RIC8B: variants seen among roughly 807,000 people sequenced by gnomAD.
RIC8B encodes RIC8 guanine nucleotide exchange factor B.
Under a neutral mutation model 57.5 loss-of-function variants are expected in RIC8B, and 16 were observed. The observed-to-expected ratio is 0.28, with a 90% CI of 0.19 to 0.42. The LOEUF is 0.42. RIC8B is among the 10% of genes least tolerant of loss of function. The pLI is 1.00. For synonymous variants in RIC8B, 216 were observed against 250.8 expected, an observed-to-expected ratio of 0.86 and a Z score of 1.31; for missense variants, 481 against 677.0, an observed-to-expected ratio of 0.71 and a Z score of 3.21.
At position 106,786,595 on chromosome 12, in the gene RIC8B, T is replaced by C. The variant is rs559933836; in HGVS notation, c.132+2551T>C. ...TTTTACTCTTTCACCAAGAAGTGTC[T>C]CTTTTAGAAATCTATTCTGCAGATA... On this transcript the variant is annotated intron_variant, in intron 2 of 9. Transcript: ENST00000392837. Among the ~76,000 whole-genome samples the C allele has an allele frequency of 1.6e-4, 24 of 152,358 alleles. 1 individual carries two copies. Among genetic ancestry groups the C allele is most frequent in the African/African-American group, 5.5e-4 (23 of 41,586 alleles).
chr12:106,784,775 A>G (rs2043928575), intron 2 of RIC8B, among the ~76,000 whole-genome samples: 1 of 152,242 alleles, frequency 6.6e-6, no homozygotes, highest in Admixed American at 6.5e-5. Context: ...TGCTAGAAAA[A>G]TAGCTTAAAT....
At chr12:106,820,862 G>T (rs2045807922) in intron 3 of RIC8B, among the ~76,000 whole-genome samples, 2 of 152,172 alleles carry the variant, frequency 1.3e-5, no homozygotes, top group Admixed American at 6.5e-5. Flanking sequence ...AGAATTTCCT[G>T]AGTTTTTTTC....
intron 1 of RIC8B, among the ~76,000 whole-genome samples, chr12:106,781,475 T>C (rs548054085): frequency 1.3e-5 from 2 of 152,344 alleles, no homozygotes; most frequent in East Asian, 3.9e-4. Context: ...CCCAGGTTTA[T>C]AGAAGCCAAC....
chr12:106,818,828 G>A (rs570650264), intron 3 of RIC8B, among the ~76,000 whole-genome samples: 26 of 152,068 alleles, frequency 1.7e-4, no homozygotes, highest in South Asian at 6.2e-4. Flanking sequence ...GTGCAATGGC[G>A]CAATCTTGGC....
At chr12:106,815,444 G>T (rs991475061) in intron 3 of RIC8B, 140 bp downstream of exon 3, 4 of 809,978 alleles carry the variant, frequency 4.9e-6, no homozygotes, top group Non-Finnish European at 7.7e-6. Flanking sequence ...TATTACCCAG[G>T]ATATACTTCT....
At chr12:106,849,142 A>C (rs1457945746) in intron 6 of RIC8B, among the ~76,000 whole-genome samples, 2 of 152,160 alleles carry the variant, frequency 1.3e-5, no homozygotes, top group African/African-American at 4.8e-5. Flanking sequence ...TGTTTGTAAC[A>C]GAAAGCATAA....
intron 8 of RIC8B, among the ~76,000 whole-genome samples, chr12:106,866,648 A>G (rs1361963982): frequency 6.6e-6 from 1 of 151,990 alleles, no homozygotes; most frequent in East Asian, 1.9e-4. Context: ...TCCATGTCCT[A>G]TTGGTTATTT....
At chr12:106,874,610 T>C (rs1950585995) in intron 9 of RIC8B, 1 of 1,399,264 alleles carries the variant, frequency 7.1e-7, no homozygotes, top group Non-Finnish European at 9.9e-7. Flanking sequence ...GTGTAGGGTA[T>C]AGATGTTATT....
At chr12:106,828,689 C>T (rs941850388) in intron 4 of RIC8B, among the ~76,000 whole-genome samples, 5 of 152,138 alleles carry the variant, frequency 3.3e-5, no homozygotes, top group African/African-American at 1.2e-4. Context: ...CACTTGCTGC[C>T]GCTGCTGCCA....
chr12:106,813,128 T>A (rs1159234330), intron 2 of RIC8B, among the ~76,000 whole-genome samples: 3 of 151,828 alleles, frequency 2.0e-5, no homozygotes, highest in Non-Finnish European at 4.4e-5. Context: ...TTATAAATAA[T>A]CTAGTGATGT....
chr12:106,830,799 A>G (rs1162458693), intron 4 of RIC8B, among the ~76,000 whole-genome samples: 2 of 151,922 alleles, frequency 1.3e-5, no homozygotes, highest in African/African-American at 4.8e-5. Flanking sequence ...CATCTGCTTT[A>G]TTTTTTTTAT....
intron 2 of RIC8B, among the ~76,000 whole-genome samples, chr12:106,789,771 C>A (rs2044188938): frequency 6.6e-6 from 1 of 152,110 alleles, no homozygotes; most frequent in African/African-American, 2.4e-5. Context: ...CGTTCTCTTT[C>A]CTAAATGTGT....
intron 4 of RIC8B, among the ~76,000 whole-genome samples, chr12:106,837,732 C>G (rs2046681606): frequency 6.6e-6 from 1 of 150,480 alleles, no homozygotes; most frequent in South Asian, 2.1e-4. Context: ...TCCTCTGCCT[C>G]CTGGGTGCAA....
At chr12:106,826,996 C>A (rs1475987773) in intron 4 of RIC8B, among the ~76,000 whole-genome samples, 1 of 152,100 alleles carries the variant, frequency 6.6e-6, no homozygotes, top group Non-Finnish European at 1.5e-5. Context: ...ATCTCTTGAA[C>A]CTCAGGAGGT....
chr12:106,864,594 C>T (rs576914575), intron 8 of RIC8B, among the ~76,000 whole-genome samples: 2 of 152,148 alleles, frequency 1.3e-5, no homozygotes, highest in East Asian at 1.9e-4. Flanking sequence ...CTAGAGCTTG[C>T]GGTTTTTGGG....
In RIC8B at chr12:106,818,459, C is replaced by T. The variant is rs191364465; in HGVS notation, c.741+3155C>T. Among the ~76,000 whole-genome samples, 276 of 152,052 alleles carry T rather than the reference C, an allele frequency of 1.8e-3. 1 individual carries two copies. Among genetic ancestry groups the T allele is most frequent in the African/African-American group, 6.3e-3 (262 of 41,460 alleles). ...GATTACAGGCATGAGCCACCGCGCCCGGCCTCTCTTTTTTAACTAAAGAAC... is the reference window on the plus strand; with the variant it reads ...GATTACAGGCATGAGCCACCGCGCCTGGCCTCTCTTTTTTAACTAAAGAAC... On this transcript the variant is annotated intron_variant, in intron 3 of 9. Coordinates refer to ENST00000392837, the MANE Select transcript of RIC8B (RefSeq NM_001330145.2).
intron 2 of RIC8B, among the ~76,000 whole-genome samples, chr12:106,811,693 G>A (rs1566069277): frequency 6.6e-6 from 1 of 152,146 alleles, no homozygotes; most frequent in Non-Finnish European, 1.5e-5. Context: ...AACTGTGTGT[G>A]TTTGCATTGT....
At chr12:106,825,669 A>AATG in intron 3 of RIC8B, 57 bp from the exon 4 acceptor site, 1 of 1,257,270 alleles carries the variant, frequency 8.0e-7, no homozygotes, top group Admixed American at 1.7e-5. Context: ...AAAGTAGCAG[A>AATG]CCCCACTGTT....
At chr12:106,801,763 A>G (rs551951242) in intron 2 of RIC8B, among the ~76,000 whole-genome samples, 1 of 152,324 alleles carries the variant, frequency 6.6e-6, no homozygotes, top group South Asian at 2.1e-4. Context: ...AATTCTGGCA[A>G]TAAGTCATTA....
Sources: allele counts gnomAD v4.1 joint callset (sites outside exome capture counted in the v4.1 genomes callset), GRCh38; gene constraint gnomAD v4.1.1; transcripts MANE v1.5; gene names NCBI Gene and HGNC (gene_info 2026-07-23, HGNC 2026-07-21).